GLI2: variants seen among roughly 807,000 people sequenced by gnomAD.
GLI2 encodes the protein transcription activator GLI2.
A neutral mutation model predicts 78.9 loss-of-function variants in GLI2; 22 were observed. That is an observed-to-expected ratio of 0.28 (90% CI 0.20 to 0.40). GLI2 has a LOEUF of 0.40. Ranked by LOEUF, GLI2 falls within the 10% of genes least tolerant of loss-of-function variation. The probability of loss-of-function intolerance (pLI) is 1.00; values close to 1 mark genes in which losing one functional copy is unlikely to be tolerated. For missense variants in GLI2, 2,097 were observed against 2,213.2 expected (o/e 0.95, Z 1.05); for synonymous variants, 974 against 963.7 (o/e 1.01, Z -0.20).
chr2:120,758,489 C>T (rs1353215121), intron 1 of GLI2, among the ~76,000 whole-genome samples: 1 of 152,208 alleles, frequency 6.6e-6, no homozygotes, highest in Admixed American at 6.5e-5. Context: ...AGGACCCTCT[C>T]TTGTGAGGGA....
chr2:120,920,830 T>C (rs1679335057), intron 2 of GLI2, among the ~76,000 whole-genome samples: 2 of 151,688 alleles, frequency 1.3e-5, no homozygotes. Context: ...GTGTGTATGT[T>C]TTCAGGGGGA....
intron 5 of GLI2, among the ~76,000 whole-genome samples, chr2:120,965,020 G>A (rs1391785274): frequency 6.6e-6 from 1 of 152,256 alleles, no homozygotes; most frequent in Admixed American, 6.5e-5. Flanking sequence ...GCTGTTAAAT[G>A]AGTCAGTGGA....
intron 1 of GLI2, among the ~76,000 whole-genome samples, chr2:120,752,215 G>A (rs1354503794): frequency 6.6e-6 from 1 of 150,934 alleles, no homozygotes; most frequent in Non-Finnish European, 1.5e-5. Context: ...GTGTGTACAT[G>A]TATGTATATG....
Position 120,735,875 on chromosome 2 carries a change from G to T in GLI2, c.-441G>T, listed in dbSNP as rs1444914571. 2.6e-5 allele frequency among the ~76,000 whole-genome samples: 4 copies of T among 151,954 alleles called. No individual in the cohort carries two copies. Among genetic ancestry groups the T allele is most frequent in the African/African-American group, 9.7e-5 (4 of 41,378 alleles). ...GCTGCGCAGTCCGGCGGCGCTGATGGATTGCAGAAGTGCCGGCGCTTGCCA... is the reference window on the plus strand; with the variant it reads ...GCTGCGCAGTCCGGCGGCGCTGATGTATTGCAGAAGTGCCGGCGCTTGCCA... On this transcript the variant is annotated 5_prime_UTR_variant, in exon 1 of 14. Coordinates refer to ENST00000361492, the MANE Select transcript of GLI2 (RefSeq NM_001374353.1).
At chr2:120,914,841 A>T (rs904254658) in intron 2 of GLI2, among the ~76,000 whole-genome samples, 3 of 152,216 alleles carry the variant, frequency 2.0e-5, no homozygotes, top group Non-Finnish European at 4.4e-5. Context: ...AGGCACAGGA[A>T]GGTTCGGTGA....
chr2:120,919,906 G>A (rs954953723), intron 2 of GLI2, among the ~76,000 whole-genome samples: 1 of 152,316 alleles, frequency 6.6e-6, no homozygotes, highest in South Asian at 2.1e-4. Context: ...CTTCCTTCCC[G>A]GGCCCACAAG....
intron 1 of GLI2, among the ~76,000 whole-genome samples, chr2:120,736,809 C>T (rs1195496434): frequency 1.3e-5 from 2 of 151,932 alleles, no homozygotes; most frequent in Non-Finnish European, 2.9e-5. Flanking sequence ...TTCTTCCTTC[C>T]TCAATCCTTC....
intron 1 of GLI2, among the ~76,000 whole-genome samples, chr2:120,742,471 A>G (rs1682578245): frequency 6.6e-6 from 1 of 152,192 alleles, no homozygotes; most frequent in Non-Finnish European, 1.5e-5. Context: ...ATTGATTGAA[A>G]TTTAATGGCG....
intron 2 of GLI2, among the ~76,000 whole-genome samples, chr2:120,811,984 A>C (rs1685265466): frequency 6.6e-6 from 1 of 152,092 alleles, no homozygotes; most frequent in Admixed American, 6.5e-5. Context: ...CTGACATTCT[A>C]GTTGGGAGAC....
chr2:120,787,973 A>G (rs1246781150), intron 1 of GLI2, among the ~76,000 whole-genome samples: 2 of 152,190 alleles, frequency 1.3e-5, no homozygotes, highest in African/African-American at 2.4e-5. Flanking sequence ...CTGTCGTGTC[A>G]ATTCTTGGAC....
intron 2 of GLI2, among the ~76,000 whole-genome samples, chr2:120,807,059 G>A (rs1450161873): frequency 1.3e-5 from 2 of 152,200 alleles, no homozygotes; most frequent in African/African-American, 2.4e-5. Context: ...TGGCTGCTCA[G>A]TCAGTCCCAC....
chr2:120,966,793 G>C (rs150049108), intron 5 of GLI2, among the ~76,000 whole-genome samples: 4 of 152,168 alleles, frequency 2.6e-5, no homozygotes, highest in Admixed American at 6.5e-5. Context: ...GGTGTGGAGT[G>C]GGGGGCTCAG....
Position 120,951,363 on chromosome 2 carries a change from C to T in GLI2, c.375C>T (p.His125=). The T allele has an allele frequency of 1.2e-6, 2 of 1,608,614 alleles. No homozygotes were observed. Among genetic ancestry groups the T allele is most frequent in the Non-Finnish European group, 1.7e-6 (2 of 1,175,026 alleles). Reference sequence around the variant, plus strand: ...CCCCCCACCCGTACGTGAACCCCCACATGGAGCACTACCTCCGTTCTGTGC... The same window carrying T: ...CCCCCCACCCGTACGTGAACCCCCATATGGAGCACTACCTCCGTTCTGTGC... ...FNAPHPYVNP[H]MEHYLRSVHS... is the part of the protein sequence containing the mutation. Residue 125 remains histidine (H), a synonymous_variant, in exon 4 of 14, where the codon CAC becomes CAT. Transcript: ENST00000361492.
chr2:120,905,984 C>G (rs1418536415), intron 2 of GLI2, among the ~76,000 whole-genome samples: 4 of 152,182 alleles, frequency 2.6e-5, no homozygotes, highest in Non-Finnish European at 5.9e-5. Flanking sequence ...ACCCTTCGCC[C>G]AGATGGGGCT....
chr2:120,953,577 C>CCCAGGG (rs1271132009), intron 4 of GLI2, among the ~76,000 whole-genome samples: 5 of 152,308 alleles, frequency 3.3e-5, no homozygotes, highest in Middle Eastern at 3.4e-3. Flanking sequence ...TGGCTGCTCT[C>CCCAGGG]CCAGGGCCAG....
At chr2:120,932,672 T>C (rs1680000245) in intron 3 of GLI2, among the ~76,000 whole-genome samples, 1 of 152,206 alleles carries the variant, frequency 6.6e-6, no homozygotes, top group African/African-American at 2.4e-5. Flanking sequence ...CTGAGTTATT[T>C]TGAGAAGGAG....
chr2:120,876,928 C>T (rs941102572), intron 2 of GLI2, among the ~76,000 whole-genome samples: 1 of 152,254 alleles, frequency 6.6e-6, no homozygotes, highest in Non-Finnish European at 1.5e-5. Context: ...TATTCTTTTA[C>T]TTAAGACGTG....
chr2:120,809,636 G>T (rs560296503), intron 2 of GLI2, among the ~76,000 whole-genome samples: 1 of 152,172 alleles, frequency 6.6e-6, no homozygotes, highest in African/African-American at 2.4e-5. Flanking sequence ...GGGCCTGGTC[G>T]TGCTGCTGCT....
chr2:120,950,595 T>C (rs774727926), intron 3 of GLI2, among the ~76,000 whole-genome samples: 11 of 152,112 alleles, frequency 7.2e-5, no homozygotes, highest in Non-Finnish European at 1.6e-4. Flanking sequence ...AGAAGGGTGG[T>C]TCTGTTAGCG....
Sources: allele counts gnomAD v4.1 joint callset (sites outside exome capture counted in the v4.1 genomes callset), GRCh38; gene constraint gnomAD v4.1.1; transcripts MANE v1.5; gene names NCBI Gene and HGNC (gene_info 2026-07-23, HGNC 2026-07-21).